Variants in HSPBAP1 observed in about 807,000 individuals in gnomAD.
The protein encoded by HSPBAP1 is HSPB1 associated protein 1, also known as HSPB1-associated protein 1.
A neutral mutation model predicts 45.2 loss-of-function variants in HSPBAP1; 27 were observed. That is an observed-to-expected ratio of 0.60 (90% CI 0.44 to 0.82). HSPBAP1 has a LOEUF of 0.82. Ranked by LOEUF, HSPBAP1 falls within the 40% of genes least tolerant of loss-of-function variation. The pLI, the probability that HSPBAP1 is intolerant of heterozygous loss-of-function variation, is 0.00. For missense variants in HSPBAP1, 510 were observed against 590.9 expected (o/e 0.86, Z 1.42); for synonymous variants, 204 against 202.7 (o/e 1.01, Z -0.06).
chr3:122,764,690 G>A (rs1405814996), intron 3 of HSPBAP1, among the ~76,000 whole-genome samples: 2 of 152,036 alleles, frequency 1.3e-5, no homozygotes, highest in African/African-American at 4.8e-5. Flanking sequence ...TGAACATTTT[G>A]TTCTCTACTT....
chr3:122,776,933 C>G (rs554521669), intron 2 of HSPBAP1, among the ~76,000 whole-genome samples: 19 of 152,304 alleles, frequency 1.2e-4, no homozygotes, highest in African/African-American at 4.6e-4. Context: ...TAATAAGCCA[C>G]TTTACCTCAA....
Position 122,793,760 on chromosome 3 carries a change from G to A in HSPBAP1, c.-80C>T. ...GGTCAGAGTAGGGGCCAAACTCCGA[G>A]ACCCGAAGCTGCACCACAGGAAGGA... On this transcript the variant is annotated 5_prime_UTR_variant, in exon 1 of 8. Coordinates refer to ENST00000306103, the MANE Select transcript of HSPBAP1 (RefSeq NM_024610.6). The A allele has an allele frequency of 7.5e-7, 1 of 1,325,274 alleles. No individual in the cohort carries two copies. The highest frequency in any genetic ancestry group is 1.4e-5 in the African/African-American group (1 of 69,404). 82.1% of individuals were successfully genotyped at this position (1,325,274 alleles called of 1,614,324 possible). A position where few individuals can be genotyped will look rare whatever the true frequency, so the allele number is the denominator to read the frequency against.
intron 2 of HSPBAP1, among the ~76,000 whole-genome samples, chr3:122,770,663 C>T (rs1325897784): frequency 6.6e-6 from 1 of 151,908 alleles, no homozygotes; most frequent in Non-Finnish European, 1.5e-5. Flanking sequence ...ATTGTGTCAC[C>T]GCACTCCAGC....
chr3:122,748,390 AAAG>A, intron 6 of HSPBAP1, among the ~76,000 whole-genome samples: 1 of 106,760 alleles, frequency 9.4e-6, no homozygotes, highest in East Asian at 2.5e-4. Flanking sequence ...AAAAAAAAAA[AAAG>A]AAAAAAAAAT....
rs1371068762 is a variant in HSPBAP1, at chr3:122,741,121, A to T, written c.826-8T>A. ...GGCTAGGTGATCCTCTTCCTGAATTAAAAAAACACGCTTTTAACTTCTGTT... is the reference window on the plus strand; with the variant it reads ...GGCTAGGTGATCCTCTTCCTGAATTTAAAAAACACGCTTTTAACTTCTGTT... On this transcript the variant is annotated splice_polypyrimidine_tract_variant and splice_region_variant and intron_variant, in intron 6 of 7. Coordinates refer to ENST00000306103, the MANE Select transcript of HSPBAP1 (RefSeq NM_024610.6). 4 of 1,593,560 alleles carry T rather than the reference A, an allele frequency of 2.5e-6. No individual in the cohort carries two copies. Among genetic ancestry groups the T allele is most frequent in the Non-Finnish European group, 2.6e-6 (3 of 1,161,436 alleles).
intron 1 of HSPBAP1, among the ~76,000 whole-genome samples, chr3:122,792,582 T>C (rs139339065): frequency 3.2e-4 from 48 of 152,178 alleles, no homozygotes; most frequent in African/African-American, 1.1e-3. Context: ...GCTCCCTGAC[T>C]TCCTGAACCC....
chr3:122,756,149 C>T (rs1341869546), intron 4 of HSPBAP1, among the ~76,000 whole-genome samples: 1 of 152,036 alleles, frequency 6.6e-6, no homozygotes, highest in Non-Finnish European at 1.5e-5. Flanking sequence ...AAATGAGACC[C>T]AGACATCTAG....
rs9872598 is a variant in HSPBAP1, at chr3:122,759,767, C to T, written c.433-407G>A. 6.9e-3 allele frequency among the ~76,000 whole-genome samples: 1,057 copies of T among 152,180 alleles called. 15 individuals carry two copies. Among genetic ancestry groups the T allele is most frequent in the African/African-American group, 0.024 (998 of 41,522 alleles). On this transcript the variant is annotated intron_variant, in intron 3 of 7. Coordinates refer to ENST00000306103, the MANE Select transcript of HSPBAP1 (RefSeq NM_024610.6). ...TGGGCAGTTAGAACAGTGAATGCAG[C>T]GGAAATGGCATTATTTCAAATATCT...
At chr3:122,768,939 G>T (rs1934883740) in intron 2 of HSPBAP1, 57 bp from the exon 3 acceptor site, 23 of 1,012,442 alleles carry the variant, frequency 2.3e-5, no homozygotes, top group East Asian at 5.8e-5. Context: ...CCTAATTATT[G>T]TTTTTTTTTT....
chr3:122,781,254 G>A (rs1325349020), intron 1 of HSPBAP1, among the ~76,000 whole-genome samples: 6 of 152,188 alleles, frequency 3.9e-5, no homozygotes, highest in African/African-American at 1.4e-4. Flanking sequence ...CTGCACTCCA[G>A]CCTGGGCACC....
intron 6 of HSPBAP1, among the ~76,000 whole-genome samples, chr3:122,746,279 CA>C (rs869096850): frequency 2.5e-5 from 1 of 40,564 alleles, no homozygotes; most frequent in Non-Finnish European, 5.4e-5. Context: ...TAATATGGAT[CA>C]AAAAAAAAAT....
At chr3:122,771,363 A>G (rs1468400774) in intron 2 of HSPBAP1, among the ~76,000 whole-genome samples, 1 of 152,238 alleles carries the variant, frequency 6.6e-6, no homozygotes, top group Non-Finnish European at 1.5e-5. Context: ...TCTTTCATTT[A>G]ACGTTGAAGT....
At chr3:122,772,779 T>G (rs1935046474) in intron 2 of HSPBAP1, among the ~76,000 whole-genome samples, 1 of 152,184 alleles carries the variant, frequency 6.6e-6, no homozygotes, top group Non-Finnish European at 1.5e-5. Context: ...TATAAAACTG[T>G]GAAGCTAAAA....
At chr3:122,746,505 A>G (rs911549902) in intron 6 of HSPBAP1, among the ~76,000 whole-genome samples, 2 of 151,992 alleles carry the variant, frequency 1.3e-5, no homozygotes, top group Non-Finnish European at 2.9e-5. Context: ...ATATGATTAA[A>G]CAGACATTTC....
Position 122,740,037 on chromosome 3 carries a change from C to T in HSPBAP1, c.*308G>A, listed in dbSNP as rs1369030472. 1.1e-5 allele frequency: 2 copies of T among 182,702 alleles called. No homozygotes were observed. Among genetic ancestry groups the T allele is most frequent in the Non-Finnish European group, 2.2e-5 (2 of 89,064 alleles). The allele number at this position is 182,702 out of a possible 1,614,324, so 11.3% of individuals were successfully genotyped here. On this transcript the variant is annotated 3_prime_UTR_variant, in exon 8 of 8. Transcript: ENST00000306103. ...AATTTTATTTGCAAAAGTAAGCAGC[C>T]GGTTGGTCCCTGGTTGAGGCTGAGG...
intron 6 of HSPBAP1, among the ~76,000 whole-genome samples, chr3:122,750,973 T>C (rs1444421798): frequency 2.0e-5 from 3 of 152,192 alleles, no homozygotes; most frequent in African/African-American, 7.2e-5. Flanking sequence ...AGGTACAGGA[T>C]AGGATTCAAC....
intron 1 of HSPBAP1, among the ~76,000 whole-genome samples, chr3:122,783,833 CTTT>C (rs79338116): frequency 0.44 from 64,090 of 145,004 alleles, 14,840 homozygotes; most frequent in South Asian, 0.55. Flanking sequence ...GGGCAACTTT[CTTT>C]TTTTTTTTTT....
At chr3:122,778,216 T>G (rs201381562) in intron 1 of HSPBAP1, among the ~76,000 whole-genome samples, 1 of 85,462 alleles carries the variant, frequency 1.2e-5, no homozygotes, top group Non-Finnish European at 2.8e-5. Flanking sequence ...GTTTTTTTTG[T>G]TGTTTTTTTT....
intron 1 of HSPBAP1, among the ~76,000 whole-genome samples, chr3:122,780,963 C>G (rs1175558951): frequency 7.2e-6 from 1 of 139,234 alleles, no homozygotes; most frequent in African/African-American, 2.6e-5. Flanking sequence ...GATGGGCGGC[C>G]GGGCAGAGAC....
Sources: allele counts gnomAD v4.1 joint callset (sites outside exome capture counted in the v4.1 genomes callset), GRCh38; gene constraint gnomAD v4.1.1; transcripts MANE v1.5; gene names NCBI Gene and HGNC (gene_info 2026-07-23, HGNC 2026-07-21).